LRBA: variants seen among roughly 807,000 people sequenced by gnomAD.
LRBA encodes the protein lipopolysaccharide-responsive and beige-like anchor protein.
LRBA carries 176 observed loss-of-function variants against 330.0 expected under a neutral mutation model. That is an observed-to-expected ratio of 0.53 (90% CI 0.47 to 0.60). LRBA has a LOEUF of 0.60. Among genes scored for constraint, LRBA ranks in the 20% least tolerant of loss-of-function variants. LRBA has a pLI of 0.00. For synonymous variants in LRBA, 1,230 were observed against 1,193.0 expected (o/e 1.03, Z -0.64); for missense variants, 3,259 against 3,444.8 (o/e 0.95, Z 1.35).
chr4:150,379,303 CAAAAAAAAAA>C (rs10634420), intron 47 of LRBA, among the ~76,000 whole-genome samples: 9 of 59,884 alleles, frequency 1.5e-4, no homozygotes, highest in Middle Eastern at 0.019. Context: ...AACTCTAGCT[CAAAAAAAAAA>C]AAAAAAAAAA....
intron 44 of LRBA, among the ~76,000 whole-genome samples, chr4:150,438,823 C>T (rs1751465381): frequency 6.6e-6 from 1 of 152,096 alleles, no homozygotes; most frequent in South Asian, 2.1e-4. Context: ...TCTTTGGCAT[C>T]ATCACTCAAT....
At chr4:150,593,267 C>G (rs1010829598) in intron 38 of LRBA, among the ~76,000 whole-genome samples, 1 of 152,080 alleles carries the variant, frequency 6.6e-6, no homozygotes, top group Non-Finnish European at 1.5e-5. Flanking sequence ...ATTCCTTCTT[C>G]AAAGCAGAAA....
At chr4:150,302,848 T>G in intron 52 of LRBA, 56 bp from the exon 53 acceptor site, 1 of 1,317,990 alleles carries the variant, frequency 7.6e-7, no homozygotes, top group East Asian at 2.5e-5. Context: ...AAAATTCTAG[T>G]GAACAGATAA....
chr4:150,814,939 A>G (rs1418624666), intron 31 of LRBA, among the ~76,000 whole-genome samples: 1 of 152,032 alleles, frequency 6.6e-6, no homozygotes, highest in East Asian at 1.9e-4. Flanking sequence ...AATGTATAAT[A>G]CTGTTACATG....
At chr4:150,839,577 A>G (rs542734213) in intron 28 of LRBA, among the ~76,000 whole-genome samples, 5 of 152,298 alleles carry the variant, frequency 3.3e-5, no homozygotes, top group South Asian at 4.2e-4. Context: ...ATGAGTTTAT[A>G]TCCTTTGTAG....
intron 34 of LRBA, among the ~76,000 whole-genome samples, chr4:150,763,219 C>T (rs1735331661): frequency 6.6e-6 from 1 of 151,944 alleles, no homozygotes; most frequent in Admixed American, 6.6e-5. Context: ...AAGGAATGAG[C>T]AAGAAACAAA....
At chr4:150,405,969 C>T (rs138932990) in intron 47 of LRBA, among the ~76,000 whole-genome samples, 3 of 152,150 alleles carry the variant, frequency 2.0e-5, no homozygotes, top group East Asian at 1.9e-4. Context: ...GTGAGAAGAT[C>T]GTTTGAGCCC....
rs1350852604 is a variant in LRBA at position 150,570,731 on chromosome 4, A to T, written c.6330+17317T>A. ...AGCACATGTGATTCTGTGCAGTGCA[A>T]TGTAGGTGCCCATTCCTGTAAGTGA... On this transcript the variant is annotated intron_variant, in intron 40 of 56. Coordinates refer to ENST00000651943, the MANE Select transcript of LRBA (RefSeq NM_001364905.1). Among the ~76,000 whole-genome samples the T allele has an allele frequency of 2.0e-5, 3 of 152,122 alleles. No homozygotes were observed. In the East Asian group the frequency reaches 5.8e-4, roughly 29 times the overall value.
chr4:150,718,257 T>C (rs909781700), intron 36 of LRBA, among the ~76,000 whole-genome samples: 8 of 81,424 alleles, frequency 9.8e-5, no homozygotes, highest in East Asian at 7.1e-4. Context: ...TAGATGCACA[T>C]TGCAGATCTA....
At chr4:151,013,073 A>G (rs1485949820) in intron 2 of LRBA, 2 of 152,182 alleles carry the variant, frequency 1.3e-5, no homozygotes, top group East Asian at 1.9e-4. Context: ...CCAGAATTCC[A>G]TCTAGCTACT....
rs376665076 is a variant in LRBA, at chr4:150,760,511, G to A, written c.5645+1272C>T. Among the ~76,000 whole-genome samples the A allele has an allele frequency of 1.3e-4, 19 of 151,150 alleles. 1 individual carries two copies. In the East Asian group the frequency reaches 3.1e-3, roughly 25 times the overall value. ...TTTAAAATCTTCCAAGGCTTCCCAC[G>A]ATCTTGAGGGATCTAGATGCCCAAT... On this transcript the variant is annotated intron_variant, in intron 35 of 56. Transcript: ENST00000651943.
At chr4:150,372,936 T>G (rs1388424104) in intron 47 of LRBA, among the ~76,000 whole-genome samples, 1 of 151,800 alleles carries the variant, frequency 6.6e-6, no homozygotes, top group East Asian at 1.9e-4. Flanking sequence ...CTCCTCTCTT[T>G]TGAATCATTT....
At chr4:150,835,952 CTTA>C (rs1747985561) in intron 28 of LRBA, among the ~76,000 whole-genome samples, 1 of 152,100 alleles carries the variant, frequency 6.6e-6, no homozygotes, top group Non-Finnish European at 1.5e-5. Context: ...ATAAATAGCT[CTTA>C]TTATTTTGAG....
At chr4:150,984,342 T>C (rs568850676) in intron 2 of LRBA, among the ~76,000 whole-genome samples, 1 of 152,218 alleles carries the variant, frequency 6.6e-6, no homozygotes, top group African/African-American at 2.4e-5. Context: ...AAACCCCATC[T>C]CTACTAAAAA....
intron 28 of LRBA, among the ~76,000 whole-genome samples, chr4:150,837,161 G>C (rs1313310105): frequency 6.6e-6 from 1 of 151,978 alleles, no homozygotes; most frequent in Admixed American, 6.6e-5. Flanking sequence ...TCGGAGAGAT[G>C]GTTTGTTATA....
chr4:150,833,600 G>A (rs936099917), intron 28 of LRBA, among the ~76,000 whole-genome samples: 1 of 152,048 alleles, frequency 6.6e-6, no homozygotes, highest in East Asian at 1.9e-4. Flanking sequence ...TAAAAAAAAC[G>A]CACATAATTT....
chr4:150,836,379 C>T (rs1336201004), intron 28 of LRBA, among the ~76,000 whole-genome samples: 1 of 152,138 alleles, frequency 6.6e-6, no homozygotes, highest in African/African-American at 2.4e-5. Flanking sequence ...AGGAATGGTA[C>T]CAGCTCCTCC....
intron 36 of LRBA, among the ~76,000 whole-genome samples, chr4:150,696,106 T>C (rs1784594664): frequency 6.6e-6 from 1 of 152,134 alleles, no homozygotes; most frequent in South Asian, 2.1e-4. Flanking sequence ...GGCATGCACC[T>C]GTAGTCCTAG....
At chr4:150,953,898 A>T (rs980140578) in intron 2 of LRBA, among the ~76,000 whole-genome samples, 1 of 149,210 alleles carries the variant, frequency 6.7e-6, no homozygotes, top group South Asian at 2.1e-4. Flanking sequence ...CCCGGCCGTC[A>T]TCCCGTCTAG....
Sources: gnomAD v4.1 joint callset for allele counts (sites outside exome capture counted in the v4.1 genomes callset) on GRCh38, gnomAD v4.1.1 for gene constraint, MANE v1.5 for transcripts, NCBI Gene and HGNC (gene_info 2026-07-23, HGNC 2026-07-21) for gene names.